The following PTPN21 variants were observed in gnomAD, a reference collection of about 807,000 sequenced individuals.
The protein encoded by PTPN21 is tyrosine-protein phosphatase non-receptor type 21.
PTPN21 carries 77 observed loss-of-function variants against 131.8 expected under a neutral mutation model. The observed-to-expected ratio is 0.58, with a 90% confidence interval of 0.49 to 0.71. PTPN21 has a LOEUF of 0.71. PTPN21 is among the 30% of genes least tolerant of loss of function. The probability of loss-of-function intolerance (pLI) is 0.00; values close to 1 mark genes in which losing one functional copy is unlikely to be tolerated. For synonymous variants in PTPN21, 715 were observed against 621.3 expected, an observed-to-expected ratio of 1.15 and a Z score of -2.24; for missense variants, 1,552 against 1,527.1, an observed-to-expected ratio of 1.02 and a Z score of -0.27.
At position 88,480,162 on chromosome 14, in the gene PTPN21, C is replaced by T. The variant is rs778404607; in HGVS notation, c.1269G>A (p.Gly423=). The T allele has an allele frequency of 4.3e-6, 7 of 1,613,978 alleles. No homozygotes were observed. The African/African-American group carries it at 5.3e-5, about 12-fold the overall frequency. ...GGTAGTCAGGCCTCATGACGTCACT[C>T]CCGGTGATGCTAGGGTTGGACGACA... ...SPMSSNPSIT[G]SDVMRPDYLP... is the part of the protein sequence containing the mutation. The change falls in exon 13 of 19, where the codon GGG becomes GGA. Residue 423 remains glycine, a synonymous_variant. Coordinates refer to ENST00000556564, the MANE Select transcript of PTPN21 (RefSeq NM_007039.4).
At chr14:88,508,144 G>T in intron 3 of PTPN21, 124 bp from the exon 4 acceptor site, 9 of 433,184 alleles carry the variant, frequency 2.1e-5, no homozygotes, top group Middle Eastern at 6.4e-4. Context: ...CCACATGGTT[G>T]TGTGTGTTTT....
In PTPN21 at chr14:88,479,105, G is replaced by T; in HGVS notation, c.2326C>A (p.Pro776Thr). 1 of 1,572,334 alleles carries T rather than the reference G, an allele frequency of 6.4e-7. No individual in the cohort carries two copies. The change falls in exon 13 of 19, where the codon CCC (proline) becomes ACC (threonine). Residue 776 changes from proline to threonine, a missense_variant. Transcript: ENST00000556564. ...TGGGCCTCTGCGGTCGTGCGGACGG[G>T]GCTGCTGTCCATCATCCTCTTCTCC... The part of the protein sequence containing the change: ...DAEKRMMDSS[P>T]VRTTAEAQRP...
At position 88,479,039 on chromosome 14, in the gene PTPN21, C is replaced by T. The variant is rs750160517; in HGVS notation, c.2392G>A (p.Glu798Lys). ...RDGLLMPSMS[E>K]SDLTTSGRYR... ...CGGCCTGACGTGGTGAGGTCGGACT[C>T]CGACATGGAGGGCATCAGCAGCCCG... The change falls in exon 13 of 19, where the codon GAG (glutamate) becomes AAG (lysine). Residue 798 changes from glutamate (E) to lysine (K), a missense_variant. By Grantham distance (56) the Glu-to-Lys change is moderately conservative. Transcript: ENST00000556564. 1.2e-6 allele frequency: 2 copies of T among 1,607,414 alleles called. No homozygotes were observed. Among genetic ancestry groups the T allele is most frequent in the Non-Finnish European group, 1.7e-6 (2 of 1,177,686 alleles).
intron 2 of PTPN21, among the ~76,000 whole-genome samples, chr14:88,520,612 T>C (rs548642679): frequency 6.6e-6 from 1 of 152,326 alleles, no homozygotes; most frequent in South Asian, 2.1e-4. Flanking sequence ...TTTTCTTTTT[T>C]TAAACTGCAA....
intron 1 of PTPN21, among the ~76,000 whole-genome samples, chr14:88,553,055 A>G (rs1289887384): frequency 1.3e-5 from 2 of 152,228 alleles, no homozygotes; most frequent in Non-Finnish European, 2.9e-5. Context: ...CAAATATGGT[A>G]GTCTTTTCAC....
chr14:88,493,106 T>C, intron 10 of PTPN21: 1 of 456,462 alleles, frequency 2.2e-6, no homozygotes, highest in Non-Finnish European at 4.4e-6. Context: ...CTTCTGTAAG[T>C]CTCCATACCT....
intron 3 of PTPN21, among the ~76,000 whole-genome samples, chr14:88,513,077 G>A (rs2078210006): frequency 6.6e-6 from 1 of 152,118 alleles, no homozygotes; most frequent in Non-Finnish European, 1.5e-5. Flanking sequence ...AGTTTCAAAG[G>A]TGAGCAATGA....
At chr14:88,499,605 T>C (rs906584696) in intron 8 of PTPN21, among the ~76,000 whole-genome samples, 1 of 152,140 alleles carries the variant, frequency 6.6e-6, no homozygotes, top group African/African-American at 2.4e-5. Flanking sequence ...TGCAAAGTGG[T>C]GGTAATACCT....
chr14:88,501,730 G>A (rs1177747277), intron 6 of PTPN21, among the ~76,000 whole-genome samples: 1 of 151,998 alleles, frequency 6.6e-6, no homozygotes, highest in East Asian at 1.9e-4. Flanking sequence ...TGTAACCGCA[G>A]CACCTTGGGA....
intron 2 of PTPN21, among the ~76,000 whole-genome samples, chr14:88,540,233 G>A (rs527378925): frequency 6.6e-6 from 1 of 152,334 alleles, no homozygotes; most frequent in Admixed American, 6.5e-5. Flanking sequence ...AGAGCTGCCA[G>A]TTAATGAGTG....
intron 2 of PTPN21, among the ~76,000 whole-genome samples, chr14:88,549,232 T>C (rs1004092085): frequency 6.6e-6 from 1 of 152,138 alleles, no homozygotes; most frequent in Non-Finnish European, 1.5e-5. Context: ...CTGGGCAACA[T>C]AGCTAGACCT....
Position 88,470,012 on chromosome 14 carries a change from T to C in PTPN21, c.2910A>G (p.Thr970=). 6.2e-7 allele frequency: 1 copy of C among 1,613,596 alleles called. No individual in the cohort carries two copies. The highest frequency in any genetic ancestry group is 8.5e-7 in the Non-Finnish European group (1 of 1,179,530). The change falls in exon 16 of 19, where the codon ACA becomes ACG. Residue 970 remains threonine (T), a synonymous_variant. Coordinates refer to ENST00000556564, the MANE Select transcript of PTPN21 (RefSeq NM_007039.4). ...GACAGGTATTCTGTAATGGTCCCTG[T>C]GTGGCAATATAATCCCATTCGATTC... is the stretch of plus-strand genomic sequence containing the variant. ...VSGIEWDYIA[T]QGPLQNTCQD... is the part of the protein sequence containing the mutation.
intron 13 of PTPN21, among the ~76,000 whole-genome samples, chr14:88,474,393 T>C (rs1365838653): frequency 6.6e-6 from 1 of 152,140 alleles, no homozygotes; most frequent in Non-Finnish European, 1.5e-5. Context: ...TCTCACTATG[T>C]TGCCCAGGCT....
At chr14:88,542,654 A>G (rs1208701181) in intron 2 of PTPN21, among the ~76,000 whole-genome samples, 1 of 152,252 alleles carries the variant, frequency 6.6e-6, no homozygotes, top group African/African-American at 2.4e-5. Context: ...TTTAAAATGC[A>G]TATCCTCCAT....
intron 2 of PTPN21, 62 bp from the exon 3 acceptor site, chr14:88,517,323 G>T: frequency 6.4e-7 from 1 of 1,558,150 alleles, no homozygotes; most frequent in Non-Finnish European, 8.8e-7. Context: ...AATGACTTCA[G>T]TCGCACTAAT....
chr14:88,496,975 T>G (rs2077927550), intron 9 of PTPN21, among the ~76,000 whole-genome samples: 1 of 152,198 alleles, frequency 6.6e-6, no homozygotes, highest in Non-Finnish European at 1.5e-5. Context: ...GTTATCATGA[T>G]CAGACAGTAG....
intron 13 of PTPN21, among the ~76,000 whole-genome samples, chr14:88,477,305 C>T (rs1373848578): frequency 6.6e-6 from 1 of 151,902 alleles, no homozygotes; most frequent in Non-Finnish European, 1.5e-5. Context: ...TGGTGGCTCA[C>T]ACCTGTAATC....
intron 5 of PTPN21, 123 bp downstream of exon 5, chr14:88,505,181 A>C: frequency 2.5e-6 from 2 of 814,536 alleles, no homozygotes; most frequent in Non-Finnish European, 3.9e-6. Context: ...TATAAGAGGG[A>C]ATTTTTTTTT....
Position 88,517,222 on chromosome 14 carries a change from G to A in PTPN21, c.220C>T (p.Gln74Ter). Residue 74 changes from glutamine to a stop codon, truncating the protein, a stop_gained, in exon 3 of 19, where the codon CAG (glutamine) becomes TAG (stop). Coordinates refer to ENST00000556564, the MANE Select transcript of PTPN21 (RefSeq NM_007039.4). LOFTEE classifies it high-confidence loss of function. ...TTTTCCAAATCTACCCACCGGCGCT[G>A]ATTTTGCTTGTTGTAGTACCAGAGG... ...FSLWYYNKQN[Q>*]RRWVDLEKPL... 1.2e-6 allele frequency: 2 copies of A among 1,614,124 alleles called. No homozygotes were observed. Among genetic ancestry groups the A allele is most frequent in the Non-Finnish European group, 1.7e-6 (2 of 1,179,986 alleles).
Sources: gnomAD v4.1 joint callset for allele counts (sites outside exome capture counted in the v4.1 genomes callset) on GRCh38, gnomAD v4.1.1 for gene constraint, MANE v1.5 for transcripts, NCBI Gene and HGNC (gene_info 2026-07-23, HGNC 2026-07-21) for gene names.